Variants in CTNNA2 observed in about 807,000 individuals in gnomAD.
CTNNA2 encodes catenin alpha-2.
Under a neutral mutation model 101.0 loss-of-function variants are expected in CTNNA2, and 42 were observed. That is an observed-to-expected ratio of 0.42 (90% CI 0.32 to 0.54). The LOEUF is 0.54. Ranked by LOEUF, CTNNA2 falls within the 20% of genes least tolerant of loss-of-function variation. The pLI, the probability that CTNNA2 is intolerant of heterozygous loss-of-function variation, is 0.14. For synonymous variants in CTNNA2, 450 were observed against 456.4 expected (o/e 0.99, Z 0.18); for missense variants, 871 against 1,223.1 (o/e 0.71, Z 4.29).
At chr2:79,339,564 C>T (rs1173126132) in intron 3 of CTNNA2, 1 of 152,152 alleles carries the variant, frequency 6.6e-6, no homozygotes, top group African/African-American at 2.4e-5. Flanking sequence ...AGTTATCATA[C>T]CTGATTCAAT....
rs567195606 is a variant in CTNNA2 at position 80,445,323 on chromosome 2, A to G, written c.1290+25722A>G. On this transcript the variant is annotated intron_variant, in intron 9 of 18. Coordinates refer to ENST00000402739, the MANE Select transcript of CTNNA2 (RefSeq NM_001282597.3). ...CAGCCTCCCGAGTGGCTGGGACTCT[A>G]GGTGTGCACCACCATGCCTGGCTAA... Among the ~76,000 whole-genome samples, 69 of 152,072 alleles carry G rather than the reference A, an allele frequency of 4.5e-4. 1 individual carries two copies. Among genetic ancestry groups the G allele is most frequent in the African/African-American group, 1.5e-3 (64 of 41,484 alleles).
intron 4 of CTNNA2, among the ~76,000 whole-genome samples, chr2:79,858,390 A>AT (rs893758307): frequency 9.2e-5 from 14 of 152,050 alleles, no homozygotes; most frequent in South Asian, 6.2e-4. Context: ...TTGAATTATT[A>AT]TTTTTTTTCC....
At chr2:79,725,778 C>T (rs1329530216) in intron 2 of CTNNA2, among the ~76,000 whole-genome samples, 2 of 151,968 alleles carry the variant, frequency 1.3e-5, no homozygotes, top group African/African-American at 4.8e-5. Flanking sequence ...ACTTTACCAC[C>T]CATAGATTTT....
At chr2:80,281,407 A>G (rs1674366738) in intron 7 of CTNNA2, among the ~76,000 whole-genome samples, 1 of 152,162 alleles carries the variant, frequency 6.6e-6, no homozygotes, top group African/African-American at 2.4e-5. Context: ...GAACTTGAGA[A>G]TAAGGGATTT....
intron 8 of CTNNA2, among the ~76,000 whole-genome samples, chr2:80,402,760 T>C (rs1356758181): frequency 6.8e-6 from 1 of 148,010 alleles, no homozygotes; most frequent in African/African-American, 2.4e-5. Flanking sequence ...TATATATTTA[T>C]ATAATTTATA....
At chr2:80,305,231 T>G in intron 7 of CTNNA2, 1 of 985,296 alleles carries the variant, frequency 1.0e-6, no homozygotes, top group Non-Finnish European at 1.2e-6. Flanking sequence ...AGCCAGCCCT[T>G]TTTTGAGGTG....
intron 18 of CTNNA2, among the ~76,000 whole-genome samples, chr2:80,621,097 A>G (rs1671076481): frequency 6.6e-6 from 1 of 151,918 alleles, no homozygotes. Context: ...AACACTTGCT[A>G]TGCTAGTTCT....
chr2:79,983,516 A>G (rs965441021), intron 7 of CTNNA2, among the ~76,000 whole-genome samples: 1 of 152,172 alleles, frequency 6.6e-6, no homozygotes, highest in Admixed American at 6.6e-5. Context: ...AGAAGGATGT[A>G]GACATTTAAA....
chr2:80,323,584 C>T (rs1678937177), intron 7 of CTNNA2, among the ~76,000 whole-genome samples: 1 of 152,118 alleles, frequency 6.6e-6, no homozygotes, highest in South Asian at 2.1e-4. Flanking sequence ...TTCTCTCTTG[C>T]CAGCTCCTCT....
intron 1 of CTNNA2, among the ~76,000 whole-genome samples, chr2:79,563,005 A>G (rs1674875837): frequency 6.6e-6 from 1 of 152,002 alleles, no homozygotes; most frequent in Non-Finnish European, 1.5e-5. Context: ...TGCAAACAAT[A>G]TATGCACTGT....
intron 1 of CTNNA2, among the ~76,000 whole-genome samples, chr2:79,188,544 A>C (rs1472153897): frequency 6.6e-6 from 1 of 152,218 alleles, no homozygotes; most frequent in Non-Finnish European, 1.5e-5. Flanking sequence ...TGGGAGAGGC[A>C]ACAAAGGTTG....
intron 2 of CTNNA2, among the ~76,000 whole-genome samples, chr2:79,202,344 AT>A (rs1160841265): frequency 1.0e-4 from 12 of 120,184 alleles, no homozygotes; most frequent in African/African-American, 3.3e-4. Context: ...TATTTTTTTT[AT>A]TTTTTTTATT....
intron 4 of CTNNA2, among the ~76,000 whole-genome samples, chr2:79,409,846 T>G (rs1378375181): frequency 6.6e-6 from 1 of 151,416 alleles, no homozygotes; most frequent in Non-Finnish European, 1.5e-5. Context: ...AGAAAGTCAT[T>G]GGTAGCTTGA....
intron 17 of CTNNA2, among the ~76,000 whole-genome samples, chr2:80,614,151 CT>C (rs1698669616): frequency 6.6e-6 from 1 of 151,388 alleles, no homozygotes; most frequent in Non-Finnish European, 1.5e-5. Flanking sequence ...AGCAGTAATA[CT>C]TTTTGAAAAC....
Position 80,321,608 on chromosome 2 carries a change from C to CT in CTNNA2, c.1057-71595dup, listed in dbSNP as rs557833771. Among the ~76,000 whole-genome samples the CT allele has an allele frequency of 4.6e-5, 7 of 152,070 alleles. No homozygotes were observed. The East Asian group carries it at 7.7e-4, about 17-fold the overall frequency. Reference sequence around the variant, plus strand: ...CAACCAGGAAAATTGTGGAATAAATCTTTTTTTTAAAAGCCTACCATGGTG... The same window carrying CT: ...CAACCAGGAAAATTGTGGAATAAATCTTTTTTTTTAAAAGCCTACCATGGTG... On this transcript the variant is annotated intron_variant, in intron 7 of 18. Transcript: ENST00000402739.
chr2:80,069,844 A>T (rs1698216625), intron 7 of CTNNA2, among the ~76,000 whole-genome samples: 1 of 152,202 alleles, frequency 6.6e-6, no homozygotes, highest in African/African-American at 2.4e-5. Flanking sequence ...CTTTGCCTTC[A>T]GCAAGCACCT....
chr2:79,954,084 CCAAGGGG>C (rs1409437519), intron 7 of CTNNA2, among the ~76,000 whole-genome samples: 1 of 152,032 alleles, frequency 6.6e-6, no homozygotes, highest in Non-Finnish European at 1.5e-5. Flanking sequence ...TGGTGGAAGG[CCAAGGGG>C]AAGCAAGGCA....
At chr2:80,529,222 C>G (rs1477600943) in intron 9 of CTNNA2, among the ~76,000 whole-genome samples, 1 of 152,148 alleles carries the variant, frequency 6.6e-6, no homozygotes, top group Non-Finnish European at 1.5e-5. Flanking sequence ...CACATGGAGT[C>G]TCACAGATTT....
At chr2:79,202,490 T>C (rs1490758258) in intron 2 of CTNNA2, among the ~76,000 whole-genome samples, 2 of 152,074 alleles carry the variant, frequency 1.3e-5, no homozygotes, top group Non-Finnish European at 2.9e-5. Flanking sequence ...CTACAGGCAG[T>C]TGCAGATTTT....
Sources: allele counts gnomAD v4.1 joint callset (sites outside exome capture counted in the v4.1 genomes callset), GRCh38; gene constraint gnomAD v4.1.1; transcripts MANE v1.5; gene names NCBI Gene and HGNC (gene_info 2026-07-23, HGNC 2026-07-21).